The following DCUN1D4 variants were observed in gnomAD, a reference collection of about 807,000 sequenced individuals.
The protein encoded by DCUN1D4 is DCN1-like protein 4.
In DCUN1D4, 22 loss-of-function variants were observed where a neutral mutation model predicts 47.9. The ratio of observed to expected loss-of-function variants is 0.46; its 90% confidence interval spans 0.33 to 0.66. The LOEUF is 0.66. Ranked by LOEUF, DCUN1D4 falls within the 30% of genes least tolerant of loss-of-function variation. The pLI is 0.02. For missense variants in DCUN1D4, 301 were observed against 340.8 expected (o/e 0.88, Z 0.92); for synonymous variants, 121 against 112.2 (o/e 1.08, Z -0.50).
intron 1 of DCUN1D4, among the ~76,000 whole-genome samples, chr4:51,861,378 A>G (rs1024416447): frequency 6.6e-6 from 1 of 152,126 alleles, no homozygotes; most frequent in Admixed American, 6.6e-5. Flanking sequence ...TGTTTGGAGT[A>G]TGAGTTGGGC....
At chr4:51,884,325 T>C (rs1244516397) in intron 5 of DCUN1D4, 1 of 152,186 alleles carries the variant, frequency 6.6e-6, no homozygotes, top group Admixed American at 6.5e-5. Flanking sequence ...TTTGTGTTAG[T>C]GAAAGTCTTG....
At chr4:51,886,905 G>T in intron 6 of DCUN1D4, 1 of 444,924 alleles carries the variant, frequency 2.2e-6, no homozygotes, top group Non-Finnish European at 4.2e-6. Context: ...AAAATGGTGT[G>T]GCCACATGTG....
chr4:51,889,392 G>A (rs1730069061), intron 6 of DCUN1D4, among the ~76,000 whole-genome samples: 1 of 152,186 alleles, frequency 6.6e-6, no homozygotes, highest in South Asian at 2.1e-4. Context: ...TACAGCTTAT[G>A]AAATTAAGCA....
chr4:51,875,998 T>A (rs998584773), intron 4 of DCUN1D4, among the ~76,000 whole-genome samples: 17 of 152,138 alleles, frequency 1.1e-4, no homozygotes, highest in African/African-American at 1.7e-4. Flanking sequence ...ATGGCTACCT[T>A]TTATAGAAGA....
At chr4:51,883,255 A>G (rs918611600) in intron 5 of DCUN1D4, among the ~76,000 whole-genome samples, 1 of 152,360 alleles carries the variant, frequency 6.6e-6, no homozygotes, top group Non-Finnish European at 1.5e-5. Context: ...GCATTTTAGT[A>G]TATATTTGCC....
chr4:51,844,768 G>A, intron 1 of DCUN1D4: 1 of 944,546 alleles, frequency 1.1e-6, no homozygotes, highest in African/African-American at 1.8e-5. Context: ...AGGCGGTCCC[G>A]CCGAATTCTG....
At chr4:51,877,576 G>C (rs575633852) in intron 4 of DCUN1D4, 187 bp from the exon 5 acceptor site, 82 of 465,090 alleles carry the variant, frequency 1.8e-4, no homozygotes, top group Admixed American at 3.3e-4. Flanking sequence ...TTCTATATTA[G>C]GAGTGACTGT....
chr4:51,913,037 A>G (rs1043969703), intron 9 of DCUN1D4, among the ~76,000 whole-genome samples: 4 of 152,112 alleles, frequency 2.6e-5, no homozygotes, highest in Non-Finnish European at 4.4e-5. Context: ...ACTTCTGGGG[A>G]TATATAATCA....
At chr4:51,858,166 G>C (rs1025242732) in intron 1 of DCUN1D4, among the ~76,000 whole-genome samples, 3 of 152,148 alleles carry the variant, frequency 2.0e-5, no homozygotes, top group African/African-American at 7.2e-5. Flanking sequence ...TATATTTACG[G>C]AGTACAATGT....
intron 5 of DCUN1D4, among the ~76,000 whole-genome samples, chr4:51,883,606 G>A (rs1450011894): frequency 6.6e-6 from 1 of 152,196 alleles, no homozygotes; most frequent in African/African-American, 2.4e-5. Flanking sequence ...ACAAGAGAAA[G>A]AAACGAGGAG....
In DCUN1D4 at chr4:51,915,167, T is replaced by A. The variant is rs973754506; in HGVS notation, c.*1583T>A. On this transcript the variant is annotated 3_prime_UTR_variant, in exon 11 of 11. Transcript: ENST00000334635. The stretch of plus-strand genomic sequence containing the variant: ...CTTGACCACTATTTTACCATTTCTT[T>A]GCAAACAGTGTTCACATTTTCATAT... 6.5e-6 allele frequency: 1 copy of A among 152,716 alleles called. No individual in the cohort carries two copies. The highest frequency in any genetic ancestry group is 2.4e-5 in the African/African-American group (1 of 41,572). 9.5% of individuals were successfully genotyped at this position (152,716 alleles called of 1,614,324 possible). A position where few individuals can be genotyped will look rare whatever the true frequency, so the allele number is the denominator to read the frequency against.
intron 3 of DCUN1D4, among the ~76,000 whole-genome samples, chr4:51,871,986 T>C (rs928028229): frequency 2.0e-5 from 3 of 152,076 alleles, no homozygotes; most frequent in Non-Finnish European, 2.9e-5. Context: ...GGGTGCTTAG[T>C]GTCTCTGAAG....
chr4:51,842,582 T>C (rs1312707465), upstream of DCUN1D4, among the ~76,000 whole-genome samples: 4 of 152,224 alleles, frequency 2.6e-5, no homozygotes, highest in Non-Finnish European at 5.9e-5. Flanking sequence ...AGGAAGCAGC[T>C]GACAAGAGAA....
chr4:51,842,885 C>G (rs1721818597), upstream of DCUN1D4: 2 of 337,200 alleles, frequency 5.9e-6, no homozygotes, highest in South Asian at 1.1e-4. Flanking sequence ...CCCCTACACG[C>G]GCTCTCGGAC....
intron 6 of DCUN1D4, among the ~76,000 whole-genome samples, chr4:51,888,017 G>A (rs769411147): frequency 2.6e-5 from 4 of 151,722 alleles, no homozygotes; most frequent in South Asian, 2.1e-4. Flanking sequence ...AGACTGGGCC[G>A]TAGACACAAG....
Position 51,913,683 on chromosome 4 carries a change from G to A in DCUN1D4, c.*99G>A. 1 of 1,097,936 alleles carries A rather than the reference G, an allele frequency of 9.1e-7. No homozygotes were observed. Among genetic ancestry groups the A allele is most frequent in the Non-Finnish European group, 1.4e-6 (1 of 729,476 alleles). The allele number at this position is 1,097,936 out of a possible 1,614,324, so 68.0% of individuals were successfully genotyped here. A position where few individuals can be genotyped will look rare whatever the true frequency, so the allele number is the denominator to read the frequency against. On this transcript the variant is annotated 3_prime_UTR_variant, in exon 11 of 11. Transcript: ENST00000334635. ...TATCAAAGCGCATGCTGCTTCTCTT[G>A]CACTGTTTCCCTTTCGCAGGGACAT...
chr4:51,885,126 T>G (rs1280989002), intron 5 of DCUN1D4, among the ~76,000 whole-genome samples: 1 of 152,098 alleles, frequency 6.6e-6, no homozygotes, highest in Non-Finnish European at 1.5e-5. Context: ...CTTTGGATTT[T>G]ATATTTAGGC....
chr4:51,871,633 C>T (rs1726915462), intron 3 of DCUN1D4, among the ~76,000 whole-genome samples: 1 of 152,168 alleles, frequency 6.6e-6, no homozygotes, highest in Non-Finnish European at 1.5e-5. Flanking sequence ...TTTCTTCCTG[C>T]ATATACATCT....
chr4:51,844,293 G>C, intron 1 of DCUN1D4: 1 of 980,916 alleles, frequency 1.0e-6, no homozygotes, highest in Non-Finnish European at 1.2e-6. Context: ...GGGAGTCCAA[G>C]CTTCGGGGTG....
Sources: gnomAD v4.1 joint callset for allele counts (sites outside exome capture counted in the v4.1 genomes callset) on GRCh38, gnomAD v4.1.1 for gene constraint, MANE v1.5 for transcripts, NCBI Gene and HGNC (gene_info 2026-07-23, HGNC 2026-07-21) for gene names.